The following CLEC17A variants were observed in gnomAD, a reference collection of about 807,000 sequenced individuals.
CLEC17A encodes the protein C-type lectin domain containing 17A.
CLEC17A carries 37 observed loss-of-function variants against 61.3 expected under a neutral mutation model. The observed-to-expected ratio is 0.60, with a 90% confidence interval of 0.46 to 0.79. The LOEUF (loss-of-function observed/expected upper bound fraction) is 0.79. CLEC17A is among the 30% of genes least tolerant of loss of function. The pLI, the probability that CLEC17A is intolerant of heterozygous loss-of-function variation, is 0.00. For missense variants in CLEC17A, 418 were observed against 464.7 expected (o/e 0.90, Z 0.92); for synonymous variants, 168 against 164.9 (o/e 1.02, Z -0.14).
chr19:14,597,402 A>G (rs2074577157), intron 10 of CLEC17A, among the ~76,000 whole-genome samples: 1 of 152,212 alleles, frequency 6.6e-6, no homozygotes, highest in African/African-American at 2.4e-5. Context: ...TGGCTGTTGA[A>G]CACTTGAAAT....
intron 3 of CLEC17A, among the ~76,000 whole-genome samples, chr19:14,590,545 G>A (rs796121699): frequency 3.3e-5 from 5 of 152,014 alleles, no homozygotes; most frequent in African/African-American, 1.2e-4. Context: ...GTGCCACCGT[G>A]CCCGGCTAAT....
At chr19:14,599,545 C>G in intron 10 of CLEC17A, 172 bp from the exon 11 acceptor site, 1 of 686,020 alleles carries the variant, frequency 1.5e-6, no homozygotes. Flanking sequence ...CTGAGCCATT[C>G]TCGGATTCTG....
intron 12 of CLEC17A, among the ~76,000 whole-genome samples, chr19:14,605,986 C>G (rs766941968): frequency 6.6e-6 from 1 of 152,116 alleles, no homozygotes; most frequent in Non-Finnish European, 1.5e-5. Context: ...GCGATCCTCC[C>G]TCCTTGGCTA....
rs71166767 is a variant in CLEC17A at position 14,611,371 on chromosome 19, C to CTTTTTTTTTT, written c.*1190_*1199dup. On this transcript the variant is annotated 3_prime_UTR_variant, in exon 14 of 14. Coordinates refer to ENST00000417570, the MANE Select transcript of CLEC17A (RefSeq NM_001204118.2). Reference sequence around the variant, plus strand: ...AGACTTGGCCCGTGGAACTTCTATCCTTTTTTTTTTTTTTTTTTTTTTTTG... The same window carrying CTTTTTTTTTT: ...AGACTTGGCCCGTGGAACTTCTATCCTTTTTTTTTTTTTTTTTTTTTTTTTTTTTTTTTTG... 2.6e-5 allele frequency among the ~76,000 whole-genome samples: 2 copies of CTTTTTTTTTT among 75,972 alleles called. No homozygotes were observed. Among genetic ancestry groups the CTTTTTTTTTT allele is most frequent in the Admixed American group, 1.8e-4 (1 of 5,674 alleles). The allele number at this position is 75,972 out of a possible 152,430, so 49.8% of individuals were successfully genotyped here.
Position 14,583,133 on chromosome 19 carries a change from G to T in CLEC17A, c.-28G>T. 6.2e-7 allele frequency: 1 copy of T among 1,613,918 alleles called. No homozygotes were observed. Among genetic ancestry groups the T allele is most frequent in the South Asian group, 1.1e-5 (1 of 91,044 alleles). ...GGGCAGAGGTTGCCAAGCCCTGGCT[G>T]CCACTTGTCAGGTTCCCTGTGCTAG... On this transcript the variant is annotated 5_prime_UTR_variant, in exon 1 of 14. Coordinates refer to ENST00000417570, the MANE Select transcript of CLEC17A (RefSeq NM_001204118.2).
chr19:14,587,642 T>C lies in CLEC17A; in HGVS notation c.150T>C (p.Asp50=), dbSNP rs2146670970. 1 of 1,602,010 alleles carries C rather than the reference T, an allele frequency of 6.2e-7. No individual in the cohort carries two copies. Among genetic ancestry groups the C allele is most frequent in the African/African-American group, 1.3e-5 (1 of 74,706 alleles). The change falls in exon 3 of 14, where the codon GAT becomes GAC. Residue 50 remains aspartate (D), a synonymous_variant. Transcript: ENST00000417570. Reference sequence around the variant, plus strand: ...CCATGGAGGAGGAGGAGGAGGATGATGACTATGAGAACTCAACACCTCCCT... The same window carrying C: ...CCATGGAGGAGGAGGAGGAGGATGACGACTATGAGAACTCAACACCTCCCT... ...PGTMEEEEED[D]DYENSTPPYK...
chr19:14,601,666 T>C (rs2074721367), intron 12 of CLEC17A, among the ~76,000 whole-genome samples: 1 of 152,168 alleles, frequency 6.6e-6, no homozygotes, highest in Admixed American at 6.6e-5. Flanking sequence ...TCACTCAAGC[T>C]GGAGTGCAGT....
chr19:14,589,458 G>T (rs1216207006), intron 3 of CLEC17A, among the ~76,000 whole-genome samples: 1 of 144,560 alleles, frequency 6.9e-6, no homozygotes, highest in Non-Finnish European at 1.5e-5. Context: ...TTGAGACAGG[G>T]TCTTGCTTGT....
At chr19:14,597,526 G>T (rs760300778) in intron 10 of CLEC17A, among the ~76,000 whole-genome samples, 4 of 152,174 alleles carry the variant, frequency 2.6e-5, no homozygotes, top group Non-Finnish European at 4.4e-5. Flanking sequence ...ATTGCTTGAG[G>T]CCAGAAGTTC....
At chr19:14,602,758 T>G (rs929344727) in intron 12 of CLEC17A, among the ~76,000 whole-genome samples, 2 of 151,592 alleles carry the variant, frequency 1.3e-5, no homozygotes, top group African/African-American at 4.8e-5. Context: ...TTTTTTGAGA[T>G]GGAGTCTTGC....
At chr19:14,607,417 A>C (rs1002972332) in intron 13 of CLEC17A, among the ~76,000 whole-genome samples, 8 of 151,298 alleles carry the variant, frequency 5.3e-5, no homozygotes, top group South Asian at 2.1e-4. Flanking sequence ...GTTAGCCAGG[A>C]TGGTCTTGAT....
rs1033001890 is a variant in CLEC17A, at chr19:14,594,511, C to T, written c.278-6C>T. The T allele has an allele frequency of 1.9e-6, 3 of 1,580,160 alleles. No individual in the cohort carries two copies. Among genetic ancestry groups the T allele is most frequent in the Middle Eastern group, 1.7e-4 (1 of 5,902 alleles). On this transcript the variant is annotated splice_region_variant and splice_polypyrimidine_tract_variant and intron_variant, in intron 4 of 13. Coordinates refer to ENST00000417570, the MANE Select transcript of CLEC17A (RefSeq NM_001204118.2). ...CCAGCCCTCACCCTGAGCTTCTCTT[C>T]TCCAGGTTCAAGTGCTCCACCAAGA...
intron 10 of CLEC17A, among the ~76,000 whole-genome samples, chr19:14,599,339 C>T (rs1172670044): frequency 2.6e-5 from 4 of 152,046 alleles, no homozygotes; most frequent in South Asian, 2.1e-4. Flanking sequence ...CCGCCCACCT[C>T]GGCCTCCCAA....
Position 14,597,018 on chromosome 19 carries a change from G to A in CLEC17A, c.583+5G>A, listed in dbSNP as rs1599551667. On this transcript the variant is annotated splice_donor_5th_base_variant and intron_variant, in intron 9 of 13. Coordinates refer to ENST00000417570, the MANE Select transcript of CLEC17A (RefSeq NM_001204118.2). ...TCACTGTGACCCTGATTAAGTGTGA[G>A]TAGGGCCAGGAAGGGACATGGGGAG... 6.2e-7 allele frequency: 1 copy of A among 1,610,238 alleles called. No individual in the cohort carries two copies. The highest frequency in any genetic ancestry group is 8.5e-7 in the Non-Finnish European group (1 of 1,178,224).
intron 13 of CLEC17A, among the ~76,000 whole-genome samples, chr19:14,607,403 C>T (rs956260440): frequency 1.7e-4 from 26 of 151,682 alleles, no homozygotes; most frequent in Non-Finnish European, 2.9e-4. Context: ...CGGGGTTTCA[C>T]CGTGTTAGCC....
rs2146774974 is a variant in CLEC17A, at chr19:14,611,526, C to G, written c.*1330C>G. ...CCAAGTAGCTGGGACTACAGGCGTTCACCCTCACACCTGGCTGGCCCATGG... is the reference window on the plus strand; with the variant it reads ...CCAAGTAGCTGGGACTACAGGCGTTGACCCTCACACCTGGCTGGCCCATGG... On this transcript the variant is annotated 3_prime_UTR_variant, in exon 14 of 14. Transcript: ENST00000417570. 6.6e-6 allele frequency among the ~76,000 whole-genome samples: 1 copy of G among 151,882 alleles called. No individual in the cohort carries two copies. Among genetic ancestry groups the G allele is most frequent in the East Asian group, 1.9e-4 (1 of 5,152 alleles).
At chr19:14,586,891 C>CTTT (rs1056065617) in intron 2 of CLEC17A, among the ~76,000 whole-genome samples, 1 of 121,742 alleles carries the variant, frequency 8.2e-6, no homozygotes, top group Non-Finnish European at 1.6e-5. Flanking sequence ...TTCTTTCTTT[C>CTTT]TTTTTTTTTT....
chr19:14,598,304 T>TTCTTTCTCTCTCTC (rs1555746763), intron 10 of CLEC17A, among the ~76,000 whole-genome samples: 66 of 149,212 alleles, frequency 4.4e-4, no homozygotes, highest in African/African-American at 1.6e-3. Context: ...TGTTCTTTCT[T>TTCTTTCTCTCTCTC]TCTCTCTCTC....
At chr19:14,609,950 A>G (rs1279619682) in intron 13 of CLEC17A, 114 bp from the exon 14 acceptor site, 4 of 745,014 alleles carry the variant, frequency 5.4e-6, no homozygotes, top group Non-Finnish European at 9.3e-6. Flanking sequence ...CACACGGCCT[A>G]ATATGGGTTT....
Sources: allele counts gnomAD v4.1 joint callset (sites outside exome capture counted in the v4.1 genomes callset), GRCh38; gene constraint gnomAD v4.1.1; transcripts MANE v1.5; gene names NCBI Gene and HGNC (gene_info 2026-07-23, HGNC 2026-07-21).